The following IL1RAPL1 variants were observed in gnomAD, a reference collection of about 807,000 sequenced individuals.
IL1RAPL1 encodes the protein interleukin-1 receptor accessory protein-like 1.
Under a neutral mutation model 48.4 loss-of-function variants are expected in IL1RAPL1, and 3 were observed. That is an observed-to-expected ratio of 0.06 (90% CI 0.03 to 0.16). The LOEUF (loss-of-function observed/expected upper bound fraction) is 0.16. Among genes scored for constraint, IL1RAPL1 ranks in the 10% least tolerant of loss-of-function variants. The probability of loss-of-function intolerance (pLI) is 1.00; values close to 1 mark genes in which losing one functional copy is unlikely to be tolerated. For synonymous variants in IL1RAPL1, 185 were observed against 187.7 expected (o/e 0.99, Z 0.12); for missense variants, 349 against 530.6 (o/e 0.66, Z 3.36).
chrX:28,620,360 A>G (rs1410233815), intron 1 of IL1RAPL1, among the ~76,000 whole-genome samples: 2 of 111,853 alleles, frequency 1.8e-5, no homozygotes, highest in Admixed American at 9.5e-5. Context: ...TTGTCTCCCC[A>G]GTATAGTCAC....
At chrX:29,506,466 C>CTCA (rs1935331013) in intron 5 of IL1RAPL1, among the ~76,000 whole-genome samples, 1 of 109,036 alleles carries the variant, frequency 9.2e-6, no homozygotes, top group African/African-American at 3.4e-5. Flanking sequence ...CCTCCTCCTC[C>CTCA]TTCTCATTCT....
intron 6 of IL1RAPL1, among the ~76,000 whole-genome samples, chrX:29,748,208 A>G (rs1168410224): frequency 8.9e-6 from 1 of 111,938 alleles, no homozygotes; most frequent in Non-Finnish European, 1.9e-5. Context: ...TTTTTTCCAT[A>G]AAAAGACATC....
At position 29,943,516 on chromosome X, in the gene IL1RAPL1, G is replaced by A. The variant is rs575805731; in HGVS notation, c.1201+1722G>A. On this transcript the variant is annotated intron_variant, in intron 9 of 10. Coordinates refer to ENST00000378993, the MANE Select transcript of IL1RAPL1 (RefSeq NM_014271.4). ...CTATTCCCAAAGCCTTTATCTTATC[G>A]GATACTCTCTATTATTTGTATTTTT... 1.1e-4 allele frequency among the ~76,000 whole-genome samples: 12 copies of A among 111,723 alleles called. No homozygotes were observed. In the South Asian group the frequency reaches 3.4e-3, roughly 32 times the overall value.
At chrX:29,686,112 AAG>A (rs1290269907) in intron 6 of IL1RAPL1, among the ~76,000 whole-genome samples, 2 of 112,243 alleles carry the variant, frequency 1.8e-5, no homozygotes, top group Non-Finnish European at 3.8e-5. Flanking sequence ...TATTGAAAAT[AAG>A]AGAGAAACTG....
At chrX:29,803,036 TATATAC>T (rs1414104026) in intron 6 of IL1RAPL1, among the ~76,000 whole-genome samples, 2 of 81,885 alleles carry the variant, frequency 2.4e-5, no homozygotes, top group African/African-American at 9.8e-5. Context: ...CATGTATGCA[TATATAC>T]ATATATGTGT....
intron 2 of IL1RAPL1, among the ~76,000 whole-genome samples, chrX:29,265,592 G>A (rs1931941078): frequency 9.8e-6 from 1 of 101,618 alleles, no homozygotes; most frequent in South Asian, 5.2e-4. Flanking sequence ...TTTAGCATTA[G>A]GTATATCTCC....
chrX:28,867,065 A>G (rs896495374), intron 2 of IL1RAPL1, among the ~76,000 whole-genome samples: 1 of 109,152 alleles, frequency 9.2e-6, no homozygotes, highest in African/African-American at 3.3e-5. Context: ...AAAGGTATGA[A>G]ATATTTGTCA....
chrX:29,860,446 G>A (rs1210415060), intron 6 of IL1RAPL1, among the ~76,000 whole-genome samples: 1 of 110,746 alleles, frequency 9.0e-6, no homozygotes, highest in Admixed American at 9.6e-5. Context: ...GTGCTGTGGT[G>A]GTTTGCTGCA....
At chrX:29,597,149 A>ATTTTTTTTTTTTTTTTTTTTTTTTTTTTT (rs35180262) in intron 5 of IL1RAPL1, among the ~76,000 whole-genome samples, 1 of 55,969 alleles carries the variant, frequency 1.8e-5, no homozygotes, top group African/African-American at 6.7e-5. Context: ...TTTGTTGAGG[A>ATTTTTTTTTTTTTTTTTTTTTTTTTTTTT]TTTTTTTTTT....
intron 2 of IL1RAPL1, among the ~76,000 whole-genome samples, chrX:29,077,327 AG>A (rs1927699604): frequency 9.0e-6 from 1 of 111,628 alleles, no homozygotes; most frequent in Non-Finnish European, 1.9e-5. Flanking sequence ...CAAATAGGCC[AG>A]GCACGGTGGC....
At chrX:29,138,980 G>T (rs999719483) in intron 2 of IL1RAPL1, among the ~76,000 whole-genome samples, 8 of 111,392 alleles carry the variant, frequency 7.2e-5, no homozygotes, top group Non-Finnish European at 1.3e-4. Context: ...AAAGTAATGA[G>T]AATCATTTTC....
intron 2 of IL1RAPL1, among the ~76,000 whole-genome samples, chrX:28,965,315 G>T (rs1341986420): frequency 9.0e-6 from 1 of 111,157 alleles, no homozygotes; most frequent in Non-Finnish European, 1.9e-5. Context: ...CAGAATTTGG[G>T]TTAGGTTCCA....
At chrX:29,466,774 G>C (rs1001901484) in intron 5 of IL1RAPL1, among the ~76,000 whole-genome samples, 1 of 111,942 alleles carries the variant, frequency 8.9e-6, no homozygotes, top group African/African-American at 3.2e-5. Flanking sequence ...CATTTCTGAA[G>C]CTCACTTTTT....
intron 2 of IL1RAPL1, among the ~76,000 whole-genome samples, chrX:29,036,956 G>A (rs1926744845): frequency 8.9e-6 from 1 of 111,827 alleles, no homozygotes; most frequent in Non-Finnish European, 1.9e-5. Flanking sequence ...ACATAATTTT[G>A]AAAGTGCTAC....
chrX:29,090,835 A>G (rs1162414091), intron 2 of IL1RAPL1, among the ~76,000 whole-genome samples: 1 of 112,500 alleles, frequency 8.9e-6, no homozygotes, highest in Non-Finnish European at 1.9e-5. Flanking sequence ...AAATAACCCA[A>G]TTCCTCTCCA....
chrX:29,800,997 T>A, intron 6 of IL1RAPL1, among the ~76,000 whole-genome samples: 1 of 14,336 alleles, frequency 7.0e-5, no homozygotes, highest in African/African-American at 2.0e-4. Context: ...CGAAACTCCG[T>A]CTCAAAAAAA....
chrX:29,047,878 A>G (rs1927008813), intron 2 of IL1RAPL1, among the ~76,000 whole-genome samples: 2 of 110,473 alleles, frequency 1.8e-5, no homozygotes, highest in Admixed American at 1.9e-4. Flanking sequence ...AGTTTTCCTC[A>G]TTAACTGAAT....
intron 1 of IL1RAPL1, among the ~76,000 whole-genome samples, chrX:28,771,410 C>T (rs1277465055): frequency 8.9e-6 from 1 of 112,234 alleles, no homozygotes; most frequent in Non-Finnish European, 1.9e-5. Flanking sequence ...GTGATAGTAG[C>T]TGCTAGAATA....
chrX:28,955,558 T>G (rs892929284), intron 2 of IL1RAPL1, among the ~76,000 whole-genome samples: 1 of 109,009 alleles, frequency 9.2e-6, no homozygotes, highest in African/African-American at 3.4e-5. Flanking sequence ...ATTGCTTGTT[T>G]TTCTCAGGTT....
Sources: allele counts gnomAD v4.1 joint callset (sites outside exome capture counted in the v4.1 genomes callset), GRCh38; gene constraint gnomAD v4.1.1; transcripts MANE v1.5; gene names NCBI Gene and HGNC (gene_info 2026-07-23, HGNC 2026-07-21).